The following TMEM184A variants were observed in gnomAD, a reference collection of about 807,000 sequenced individuals.
The protein encoded by TMEM184A is transmembrane protein 184A, also known as sexually dimorphic, expressed in male gonads 1.
A neutral mutation model predicts 39.5 loss-of-function variants in TMEM184A; 40 were observed. That is an observed-to-expected ratio of 1.01 (90% confidence interval 0.79 to 1.32). The LOEUF is 1.32. Ranked by LOEUF, TMEM184A falls within the 40% of genes most tolerant of loss-of-function variation. The pLI is 0.00. For synonymous variants in TMEM184A, 280 were observed against 252.3 expected, an observed-to-expected ratio of 1.11 and a Z score of -1.04; for missense variants, 603 against 568.8, an observed-to-expected ratio of 1.06 and a Z score of -0.61.
In TMEM184A at chr7:1,555,963, G is replaced by A. The variant is rs925488055; in HGVS notation, c.-1+151C>T. ...CTGGGACCTGTCCACCCACCTGGGA[G>A]CCCGGCTTTGCTGGGGTTCTTGGCA... is the stretch of plus-strand genomic sequence containing the variant. On this transcript the variant is annotated intron_variant, in intron 1 of 8. Transcript: ENST00000297477. This position sits in a 1 kb window ranked among gnomAD's most constrained non-coding sequence, Gnocchi z 5.2. The A allele has an allele frequency of 4.7e-6, 1 of 212,996 alleles. No homozygotes were observed. The highest frequency in any genetic ancestry group is 2.4e-5 in the African/African-American group (1 of 41,732). The allele number at this position is 212,996 out of a possible 1,614,324, so 13.2% of individuals were successfully genotyped here.
intron 6 of TMEM184A, 166 bp downstream of exon 6, chr7:1,549,688 C>A: frequency 1.4e-6 from 1 of 736,402 alleles, no homozygotes; most frequent in Non-Finnish European, 2.4e-6. Flanking sequence ...GGCCCCACCG[C>A]TGGGCCCCAG....
At chr7:1,552,790 C>T (rs1466896147) in intron 2 of TMEM184A, among the ~76,000 whole-genome samples, 2 of 152,156 alleles carry the variant, frequency 1.3e-5, no homozygotes, top group Admixed American at 6.5e-5. Flanking sequence ...CACGGTGGCC[C>T]ACGCCTGTAA....
In TMEM184A at chr7:1,555,186, C is replaced by T. The variant is rs1778504821; in HGVS notation, c.219+80G>A. ...CTGACAGCGTCTATAGCAGCGGCAC[C>T]CAGGGGGACCGGGCTGAGCCACGGC... On this transcript the variant is annotated intron_variant, in intron 2 of 8. Coordinates refer to ENST00000297477, the MANE Select transcript of TMEM184A (RefSeq NM_001097620.2). This position sits in a 1 kb window ranked among gnomAD's most constrained non-coding sequence, Gnocchi z 5.2. 8.0e-7 allele frequency: 1 copy of T among 1,242,900 alleles called. No homozygotes were observed. The highest frequency in any genetic ancestry group is 1.5e-5 in the African/African-American group (1 of 66,224). The allele number at this position is 1,242,900 out of a possible 1,614,324, so 77.0% of individuals were successfully genotyped here. A position where few individuals can be genotyped will look rare whatever the true frequency, so the allele number is the denominator to read the frequency against.
chr7:1,548,059 C>G, intron 7 of TMEM184A, 120 bp from the exon 8 acceptor site: 1 of 1,146,624 alleles, frequency 8.7e-7, no homozygotes, highest in South Asian at 1.5e-5. Flanking sequence ...GTAGTCTCGT[C>G]CCACCCCAGG....
intron 2 of TMEM184A, among the ~76,000 whole-genome samples, chr7:1,553,918 C>T (rs560723448): frequency 2.0e-5 from 3 of 152,244 alleles, no homozygotes; most frequent in African/African-American, 4.8e-5. Context: ...AAGGGGTCTC[C>T]ATGAGCCCTG....
intron 6 of TMEM184A, chr7:1,549,183 GGT>G (rs1389468541): frequency 4.4e-6 from 2 of 457,886 alleles, no homozygotes; most frequent in African/African-American, 2.0e-5. Flanking sequence ...CATGTGTGGT[GGT>G]GTGTGCACGG....
In TMEM184A at chr7:1,543,406, G is replaced by C. The variant is rs1784249610; in HGVS notation, c.*3546C>G. ...CCTGGGAGACATCTCGCCCAGCTTT[G>C]CTGGACTCTCAGAGGAGCCTGCAGG... On this transcript the variant is annotated 3_prime_UTR_variant, in exon 9 of 9. Coordinates refer to ENST00000297477, the MANE Select transcript of TMEM184A (RefSeq NM_001097620.2). The C allele has an allele frequency of 6.6e-6, 1 of 152,308 alleles. No individual in the cohort carries two copies. Among genetic ancestry groups the C allele is most frequent in the South Asian group, 2.1e-4 (1 of 4,828 alleles). The allele number at this position is 152,308 out of a possible 1,614,324, so 9.4% of individuals were successfully genotyped here. A position where few individuals can be genotyped will look rare whatever the true frequency, so the allele number is the denominator to read the frequency against.
Position 1,549,941 on chromosome 7 carries a change from G to A in TMEM184A, c.557C>T (p.Thr186Ile). 1 of 1,612,800 alleles carries A rather than the reference G, an allele frequency of 6.2e-7. No individual in the cohort carries two copies. The highest frequency in any genetic ancestry group is 8.5e-7 in the Non-Finnish European group (1 of 1,179,652). Residue 186 changes from threonine to isoleucine, a missense_variant, in exon 6 of 9, where the codon ACT becomes ATT. Coordinates refer to ENST00000297477, the MANE Select transcript of TMEM184A (RefSeq NM_001097620.2). The part of the protein sequence containing the change: ...IGFLRFCKQA[T>I]LQFCLVKPVM... ...GGGCTTCACCAGGCAGAACTGCAGAGTGGCCTGGGGGCGACGGCACCCGGT... is the reference window on the plus strand; with the variant it reads ...GGGCTTCACCAGGCAGAACTGCAGAATGGCCTGGGGGCGACGGCACCCGGT...
chr7:1,546,779 G>C lies in TMEM184A; in HGVS notation c.*173C>G. The C allele has an allele frequency of 1.8e-6, 1 of 550,422 alleles. No homozygotes were observed. The highest frequency in any genetic ancestry group is 1.9e-5 in the African/African-American group (1 of 51,466). 34.1% of individuals were successfully genotyped at this position (550,422 alleles called of 1,614,324 possible). A position where few individuals can be genotyped will look rare whatever the true frequency, so the allele number is the denominator to read the frequency against. On this transcript the variant is annotated 3_prime_UTR_variant, in exon 9 of 9. Transcript: ENST00000297477. Reference sequence around the variant, plus strand: ...ACCTGGGTGCCTGCCAGGGCCATCAGGTGCCCTGACCCCCTGGCTGGAGGG... The same window carrying C: ...ACCTGGGTGCCTGCCAGGGCCATCACGTGCCCTGACCCCCTGGCTGGAGGG...
At chr7:1,554,616 C>G (rs1014247226) in intron 2 of TMEM184A, among the ~76,000 whole-genome samples, 10 of 152,334 alleles carry the variant, frequency 6.6e-5, no homozygotes, top group African/African-American at 2.4e-4. Flanking sequence ...CCAGCCCCTG[C>G]CCTCGGGCAC....
chr7:1,549,778 C>T (rs1338094419), intron 6 of TMEM184A, 76 bp downstream of exon 6: 37 of 1,374,134 alleles, frequency 2.7e-5, no homozygotes, highest in East Asian at 7.2e-5. Flanking sequence ...AAGTCCGCCT[C>T]GTTGGGCCCC....
chr7:1,547,323 G>T (rs1784390639), intron 8 of TMEM184A, 142 bp from the exon 9 acceptor site: 1 of 615,900 alleles, frequency 1.6e-6, no homozygotes, highest in Admixed American at 3.0e-5. Flanking sequence ...CCAGACCCCT[G>T]GACCCCAGCC....
At chr7:1,549,135 G>C (rs941843270) in intron 6 of TMEM184A, 2 of 463,662 alleles carry the variant, frequency 4.3e-6, no homozygotes, top group South Asian at 1.5e-5. Context: ...GGGGTGCGCT[G>C]TGTGTGTGCA....
chr7:1,543,363 CTGTCAGTGTTCCCCTTCCCT>C lies in TMEM184A; in HGVS notation c.*3569_*3588del, dbSNP rs1309167680. 1 of 152,318 alleles carries C rather than the reference CTGTCAGTGTTCCCCTTCCCT, an allele frequency of 6.6e-6. No homozygotes were observed. The highest frequency in any genetic ancestry group is 1.9e-4 in the East Asian group (1 of 5,198). 9.4% of individuals were successfully genotyped at this position (152,318 alleles called of 1,614,324 possible). On this transcript the variant is annotated 3_prime_UTR_variant, in exon 9 of 9. Transcript: ENST00000297477. ...GTGGAAGGAGCAGAGAGCAGCACGG[CTGTCAGTGTTCCCCTTCCCT>C]GGGAGACATCTCGCCCAGCTTTGCT... is the stretch of plus-strand genomic sequence containing the variant.
chr7:1,553,715 C>A (rs552890254), intron 2 of TMEM184A, among the ~76,000 whole-genome samples: 1 of 152,276 alleles, frequency 6.6e-6, no homozygotes, highest in South Asian at 2.1e-4. Context: ...CATGACCAGC[C>A]ATCAGGAGAC....
In TMEM184A at chr7:1,546,597, C is replaced by T. The variant is rs941270987; in HGVS notation, c.*355G>A. 8.8e-6 allele frequency: 2 copies of T among 226,792 alleles called. No homozygotes were observed. The highest frequency in any genetic ancestry group is 2.3e-5 in the African/African-American group (1 of 44,072). The allele number at this position is 226,792 out of a possible 1,614,324, so 14.0% of individuals were successfully genotyped here. ...TGTCTCCTGAACCAGGGAGTCTGAC[C>T]CACTCACAGCTCCCATGGGGTCCGT... On this transcript the variant is annotated 3_prime_UTR_variant, in exon 9 of 9. Coordinates refer to ENST00000297477, the MANE Select transcript of TMEM184A (RefSeq NM_001097620.2).
intron 2 of TMEM184A, among the ~76,000 whole-genome samples, chr7:1,554,162 G>A (rs566394274): frequency 1.3e-5 from 2 of 152,272 alleles, no homozygotes; most frequent in South Asian, 2.1e-4. Flanking sequence ...CTTGAACTGG[G>A]CTCAAGCGAT....
At chr7:1,547,979 G>C in intron 7 of TMEM184A, 40 bp from the exon 8 acceptor site, 1 of 1,538,140 alleles carries the variant, frequency 6.5e-7, no homozygotes. Flanking sequence ...CCCCAGACGG[G>C]GTCTGCAGGG....
At chr7:1,551,525 CTATTG>C (rs1024616328) in intron 2 of TMEM184A, among the ~76,000 whole-genome samples, 89 of 152,326 alleles carry the variant, frequency 5.8e-4, no homozygotes, top group African/African-American at 2.1e-3. Flanking sequence ...AATTGTTTGC[CTATTG>C]TAATTAGATA....
Sources: allele counts gnomAD v4.1 joint callset (sites outside exome capture counted in the v4.1 genomes callset), GRCh38; gene constraint gnomAD v4.1.1; non-coding constraint Gnocchi (gnomAD v3.1); transcripts MANE v1.5; gene names NCBI Gene and HGNC (gene_info 2026-07-23, HGNC 2026-07-21).